KIF26B: variants seen among roughly 807,000 people sequenced by gnomAD.
The protein encoded by KIF26B is kinesin family member 26B, also known as kinesin-like protein KIF26B.
In KIF26B, 63 loss-of-function variants were observed where a neutral mutation model predicts 151.2. The observed-to-expected ratio is 0.42, with a 90% confidence interval of 0.34 to 0.51. KIF26B has a LOEUF of 0.51. Among genes scored for constraint, KIF26B ranks in the 20% least tolerant of loss-of-function variants. The pLI, the probability that KIF26B is intolerant of heterozygous loss-of-function variation, is 0.07. For synonymous variants in KIF26B, 1,357 were observed against 1,262.1 expected (o/e 1.08, Z -1.59); for missense variants, 2,813 against 2,913.6 (o/e 0.97, Z 0.79).
intron 2 of KIF26B, among the ~76,000 whole-genome samples, chr1:245,275,259 T>C (rs1304193224): frequency 6.6e-6 from 1 of 151,156 alleles, no homozygotes; most frequent in African/African-American, 2.4e-5. Flanking sequence ...AGTGCAAAAA[T>C]TGTCTCCCAT....
intron 4 of KIF26B, among the ~76,000 whole-genome samples, chr1:245,511,940 T>C (rs1660846807): frequency 6.6e-6 from 1 of 152,236 alleles, no homozygotes; most frequent in African/African-American, 2.4e-5. Context: ...GATCTGCCTT[T>C]TCTTCAAAAT....
chr1:245,288,179 C>T (rs1490878340), intron 2 of KIF26B, among the ~76,000 whole-genome samples: 1 of 152,122 alleles, frequency 6.6e-6, no homozygotes, highest in African/African-American at 2.4e-5. Flanking sequence ...ATACTTATCT[C>T]CCACCTGAGG....
At chr1:245,683,796 G>A (rs149068844) in intron 10 of KIF26B, among the ~76,000 whole-genome samples, 88 of 152,310 alleles carry the variant, frequency 5.8e-4, no homozygotes, top group African/African-American at 1.7e-3. Context: ...ATCCAGGTTC[G>A]TGGCAGGGGG....
chr1:245,157,031 C>A (rs531847152), intron 2 of KIF26B, among the ~76,000 whole-genome samples: 1 of 152,116 alleles, frequency 6.6e-6, no homozygotes, highest in Admixed American at 6.5e-5. Context: ...TTTCTCCCCA[C>A]CCCCACCTGT....
In KIF26B at chr1:245,686,691, C is replaced by T. The variant is rs61740108; in HGVS notation, c.3708C>T (p.Ser1236=). ...CCGTCAGCATCATCAGCAGCATCAG[C>T]GAGGACCTGGAGTGCTACTCCAGCA... ...SRPVSIISSI[S]EDLECYSSTA... Residue 1236 remains serine, a synonymous_variant, in exon 12 of 15, where the codon AGC becomes AGT. Coordinates refer to ENST00000407071, the MANE Select transcript of KIF26B (RefSeq NM_018012.4). The surrounding 1 kb of genome is among the most constrained non-coding windows in gnomAD (Gnocchi z 5.6). The T allele has an allele frequency of 0.029, 46,424 of 1,612,756 alleles. 847 individuals are homozygous for T. The highest frequency in any genetic ancestry group is 0.032 in the Non-Finnish European group (37,288 of 1,179,478).
intron 2 of KIF26B, among the ~76,000 whole-genome samples, chr1:245,201,012 T>A (rs1380062439): frequency 6.6e-6 from 1 of 152,182 alleles, no homozygotes; most frequent in Non-Finnish European, 1.5e-5. Flanking sequence ...CAGTATTTCT[T>A]TAGAACAACC....
chr1:245,228,827 G>A (rs1469823217), intron 2 of KIF26B, among the ~76,000 whole-genome samples: 3 of 152,200 alleles, frequency 2.0e-5, no homozygotes, highest in Admixed American at 2.0e-4. Flanking sequence ...AGCAGAGGCA[G>A]GAGCCTAGCG....
chr1:245,400,488 G>GTT (rs11407193), intron 3 of KIF26B, among the ~76,000 whole-genome samples: 1,931 of 123,728 alleles, frequency 0.016, 42 homozygotes, highest in Non-Finnish European at 0.022. Flanking sequence ...TAGATAGTGA[G>GTT]TTTTTTTTTT....
intron 2 of KIF26B, among the ~76,000 whole-genome samples, chr1:245,269,182 G>A (rs1051284491): frequency 2.5e-5 from 3 of 122,224 alleles, no homozygotes; most frequent in African/African-American, 9.0e-5. Flanking sequence ...TGCTCCCACC[G>A]AACGGCTCCT....
chr1:245,496,402 A>T (rs892692766), intron 4 of KIF26B, among the ~76,000 whole-genome samples: 1 of 152,238 alleles, frequency 6.6e-6, no homozygotes, highest in African/African-American at 2.4e-5. Context: ...TATATGTAGC[A>T]TTAAATGCAT....
chr1:245,578,522 TGAG>T (rs1480892417), intron 5 of KIF26B, among the ~76,000 whole-genome samples: 5 of 152,180 alleles, frequency 3.3e-5, no homozygotes, highest in African/African-American at 1.2e-4. Context: ...GCACGAAACA[TGAG>T]GAGTGTGGCA....
chr1:245,548,122 G>T (rs1028015211), intron 5 of KIF26B, among the ~76,000 whole-genome samples: 3 of 152,128 alleles, frequency 2.0e-5, no homozygotes, highest in Non-Finnish European at 4.4e-5. Context: ...ACGTATCTAT[G>T]GGCAAGCTAG....
At chr1:245,428,670 G>A (rs1188249232) in intron 4 of KIF26B, among the ~76,000 whole-genome samples, 1 of 152,120 alleles carries the variant, frequency 6.6e-6, no homozygotes, top group African/African-American at 2.4e-5. Context: ...AATGACCAGC[G>A]TTTGCGGCCC....
intron 2 of KIF26B, among the ~76,000 whole-genome samples, chr1:245,310,309 T>A (rs1671642502): frequency 6.6e-6 from 1 of 152,108 alleles, no homozygotes; most frequent in South Asian, 2.1e-4. Flanking sequence ...GAGGTAAACC[T>A]TTGGGTTCAT....
chr1:245,647,525 C>T (rs1005820802), intron 10 of KIF26B, among the ~76,000 whole-genome samples: 2 of 151,626 alleles, frequency 1.3e-5, no homozygotes, highest in African/African-American at 4.8e-5. Context: ...CCTATCTAGT[C>T]AAGCCTATCC....
chr1:245,641,800 T>A (rs1267969721), intron 9 of KIF26B, among the ~76,000 whole-genome samples: 1 of 152,204 alleles, frequency 6.6e-6, no homozygotes, highest in African/African-American at 2.4e-5. Flanking sequence ...CATATTTTCA[T>A]CACTTTAGGG....
At chr1:245,235,809 A>T (rs1295123011) in intron 2 of KIF26B, among the ~76,000 whole-genome samples, 3 of 152,180 alleles carry the variant, frequency 2.0e-5, no homozygotes, top group African/African-American at 7.2e-5. Flanking sequence ...ATTTTAAGAC[A>T]TGAGAGTGAA....
intron 5 of KIF26B, among the ~76,000 whole-genome samples, chr1:245,565,465 T>C (rs1185032425): frequency 6.6e-6 from 1 of 152,054 alleles, no homozygotes; most frequent in South Asian, 2.1e-4. Flanking sequence ...ATTTTTCCTA[T>C]TTTTAGTAGA....
intron 4 of KIF26B, among the ~76,000 whole-genome samples, chr1:245,464,410 TG>T (rs968017032): frequency 7.4e-5 from 11 of 148,568 alleles, no homozygotes; most frequent in Non-Finnish European, 1.5e-5. Context: ...TGTGCGTATG[TG>T]GGGGTGTGTG....
Sources: allele counts gnomAD v4.1 joint callset (sites outside exome capture counted in the v4.1 genomes callset), GRCh38; gene constraint gnomAD v4.1.1; non-coding constraint Gnocchi (gnomAD v3.1); transcripts MANE v1.5; gene names NCBI Gene and HGNC (gene_info 2026-07-23, HGNC 2026-07-21).